Variants in CCDC28A observed in about 807,000 individuals in gnomAD.
CCDC28A encodes coiled-coil domain containing 28A, also known as coiled-coil domain-containing protein 28A.
In CCDC28A, 24 loss-of-function variants were observed where a neutral mutation model predicts 22.1. The ratio of observed to expected loss-of-function variants is 1.09; its 90% CI spans 0.79 to 1.53. The LOEUF is 1.53. Ranked by LOEUF, CCDC28A falls within the 40% of genes most tolerant of loss-of-function variation. The probability of loss-of-function intolerance (pLI) is 0.00; values close to 1 mark genes in which losing one functional copy is unlikely to be tolerated. For missense variants in CCDC28A, 170 were observed against 210.7 expected (o/e 0.81, Z 1.20); for synonymous variants, 83 against 74.7 (o/e 1.11, Z -0.57).
At chr6:138,784,496 A>G (rs1375710405) in intron 3 of CCDC28A, among the ~76,000 whole-genome samples, 2 of 151,764 alleles carry the variant, frequency 1.3e-5, no homozygotes, top group African/African-American at 4.8e-5. Context: ...GACCAGAGGC[A>G]TGCAGCACCA....
At position 138,793,006 on chromosome 6, in the gene CCDC28A, G is replaced by C; in HGVS notation, c.*203G>C. 1 of 547,904 alleles carries C rather than the reference G, an allele frequency of 1.8e-6. No individual in the cohort carries two copies. Among genetic ancestry groups the C allele is most frequent in the Non-Finnish European group, 3.3e-6 (1 of 304,766 alleles). 33.9% of individuals were successfully genotyped at this position (547,904 alleles called of 1,614,324 possible). A position where few individuals can be genotyped will look rare whatever the true frequency, so the allele number is the denominator to read the frequency against. On this transcript the variant is annotated 3_prime_UTR_variant, in exon 6 of 6. Coordinates refer to ENST00000617445, the MANE Select transcript of CCDC28A (RefSeq NM_015439.3). ...AACTGGAGGCCTAGGCCTTGTTGAA[G>C]GCTTCATCAGGAAATGTGACGCAGA...
intron 5 of CCDC28A, among the ~76,000 whole-genome samples, chr6:138,790,582 G>A (rs1775157730): frequency 6.6e-6 from 1 of 152,216 alleles, no homozygotes; most frequent in African/African-American, 2.4e-5. Context: ...ATACAAGAGT[G>A]TAGGCTTTGG....
intron 2 of CCDC28A, among the ~76,000 whole-genome samples, 190 bp from the exon 3 acceptor site, chr6:138,779,632 A>G (rs1774987356): frequency 6.6e-6 from 1 of 152,132 alleles, no homozygotes; most frequent in South Asian, 2.1e-4. Context: ...GTTATATTTT[A>G]TACATTTGTT....
Position 138,779,981 on chromosome 6 carries a change from A to T in CCDC28A, c.318A>T (p.Ala106=). Residue 106 remains alanine, a synonymous_variant, in exon 3 of 6, where the codon GCA becomes GCT. Coordinates refer to ENST00000617445, the MANE Select transcript of CCDC28A (RefSeq NM_015439.3). ...LNDFHSGKLQ[A]FGNECSIEQM... ...ATTTCCACTCTGGAAAACTTCAAGC[A>T]TTTGGTAAGCAATAGATGTTTCTGT... 1 of 1,608,410 alleles carries T rather than the reference A, an allele frequency of 6.2e-7. No homozygotes were observed. Among genetic ancestry groups the T allele is most frequent in the Non-Finnish European group, 8.5e-7 (1 of 1,177,716 alleles).
rs1343786050 is a variant in CCDC28A at position 138,773,877 on chromosome 6, G to T, written c.-68G>T. 6.2e-7 allele frequency: 1 copy of T among 1,613,828 alleles called. No homozygotes were observed. The highest frequency in any genetic ancestry group is 1.7e-5 in the Admixed American group (1 of 60,012). ...GTCGGGTCTTTGCGGGTTGCGGAAG[G>T]GGGCCCCAATACCCTTCTTCTTCAG... On this transcript the variant is annotated 5_prime_UTR_variant, in exon 1 of 6. Coordinates refer to ENST00000617445, the MANE Select transcript of CCDC28A (RefSeq NM_015439.3).
chr6:138,792,947 CTTTT>C lies in CCDC28A; in HGVS notation c.*145_*148del. ...GTTCAATGATCGTTTTCACTTACTG[CTTTT>C]AGTAAATGTGACTCGCTGTAATTCA... On this transcript the variant is annotated 3_prime_UTR_variant, in exon 6 of 6. Transcript: ENST00000617445. The C allele has an allele frequency of 1.6e-6, 1 of 631,084 alleles. No individual in the cohort carries two copies. Among genetic ancestry groups the C allele is most frequent in the Non-Finnish European group, 2.8e-6 (1 of 354,184 alleles). The allele number at this position is 631,084 out of a possible 1,614,324, so 39.1% of individuals were successfully genotyped here. A position where few individuals can be genotyped will look rare whatever the true frequency, so the allele number is the denominator to read the frequency against.
chr6:138,791,617 A>C (rs1460209080), intron 5 of CCDC28A, among the ~76,000 whole-genome samples: 4 of 152,154 alleles, frequency 2.6e-5, no homozygotes, highest in Non-Finnish European at 5.9e-5. Flanking sequence ...CAAGAAACAC[A>C]TCATGTTCAT....
Position 138,788,568 on chromosome 6 carries a change from C to CTTTTTTTTTTTTT in CCDC28A, c.500+191_500+203dup, listed in dbSNP as rs3070099. Among the ~76,000 whole-genome samples the CTTTTTTTTTTTTT allele has an allele frequency of 1.3e-3, 122 of 92,944 alleles. 2 individuals carry two copies. The highest frequency in any genetic ancestry group is 1.7e-3 in the Non-Finnish European group (82 of 46,926). 61.0% of individuals were successfully genotyped at this position (92,944 alleles called of 152,430 possible). On this transcript the variant is annotated intron_variant, in intron 5 of 5. Coordinates refer to ENST00000617445, the MANE Select transcript of CCDC28A (RefSeq NM_015439.3). Reference sequence around the variant, plus strand: ...TTCTTTTCTTTCTCTTTTTTCTTTTCTTTTTTTTTTTTTTTTTTTTTTTCA... The same window carrying CTTTTTTTTTTTTT: ...TTCTTTTCTTTCTCTTTTTTCTTTTCTTTTTTTTTTTTTTTTTTTTTTTTTTTTTTTTTTTTCA...
intron 2 of CCDC28A, 61 bp downstream of exon 2, chr6:138,776,339 C>A: frequency 7.4e-7 from 1 of 1,359,592 alleles, no homozygotes; most frequent in Non-Finnish European, 1.0e-6. Context: ...CCTGACTCAA[C>A]TTCTTCTTAA....
At chr6:138,792,472 T>A (rs188279243) in intron 5 of CCDC28A, among the ~76,000 whole-genome samples, 9 of 152,046 alleles carry the variant, frequency 5.9e-5, no homozygotes, top group African/African-American at 1.9e-4. Flanking sequence ...CAGTGAAGTA[T>A]GATCGTATTA....
rs1292187825 is a variant in CCDC28A at position 138,773,867 on chromosome 6, G to C, written c.-78G>C. The C allele has an allele frequency of 6.2e-7, 1 of 1,613,974 alleles. No homozygotes were observed. The highest frequency in any genetic ancestry group is 1.7e-5 in the Admixed American group (1 of 60,022). On this transcript the variant is annotated 5_prime_UTR_variant, in exon 1 of 6. Transcript: ENST00000617445. ...TTCTGAGGCTGTCGGGTCTTTGCGG[G>C]TTGCGGAAGGGGGCCCCAATACCCT...
rs749042682 is a variant in CCDC28A at position 138,788,365 on chromosome 6, G to A, written c.478-1G>A. ...AATAAATTTGTTTCTTTGTTTTACA[G>A]TTAGAAGAATTGAATTCTTCCATGT... On this transcript the variant is annotated splice_acceptor_variant, in intron 4 of 5. Transcript: ENST00000617445. LOFTEE classifies it high-confidence loss of function. 6.7e-6 allele frequency: 8 copies of A among 1,202,020 alleles called. No homozygotes were observed. In the South Asian group the frequency reaches 1.1e-4, roughly 16 times the overall value. The allele number at this position is 1,202,020 out of a possible 1,614,324, so 74.5% of individuals were successfully genotyped here.
At chr6:138,779,331 G>GT (rs1774982975) in intron 2 of CCDC28A, among the ~76,000 whole-genome samples, 1 of 152,150 alleles carries the variant, frequency 6.6e-6, no homozygotes, top group African/African-American at 2.4e-5. Flanking sequence ...ATGATAACAA[G>GT]TTTTTAGTAT....
chr6:138,782,613 A>AACAT (rs1353767158), intron 3 of CCDC28A, among the ~76,000 whole-genome samples: 103 of 152,310 alleles, frequency 6.8e-4, no homozygotes, highest in Admixed American at 6.7e-3. Flanking sequence ...CATAAACACA[A>AACAT]ACATACATAC....
intron 5 of CCDC28A, among the ~76,000 whole-genome samples, chr6:138,790,032 G>T (rs1406519337): frequency 1.3e-5 from 2 of 152,120 alleles, no homozygotes; most frequent in African/African-American, 4.8e-5. Flanking sequence ...TAAAGAAGGG[G>T]GTAAGACTTG....
At chr6:138,785,911 C>T (rs9495245) in intron 4 of CCDC28A, among the ~76,000 whole-genome samples, 10,898 of 152,180 alleles carry the variant, frequency 0.072, 699 homozygotes, top group African/African-American at 0.16. Context: ...GTGTTATTTA[C>T]TCAGGTGGCG....
At chr6:138,786,159 C>G (rs1775092041) in intron 4 of CCDC28A, among the ~76,000 whole-genome samples, 2 of 152,170 alleles carry the variant, frequency 1.3e-5, no homozygotes, top group South Asian at 2.1e-4. Flanking sequence ...GCTTCTTCCT[C>G]TATGCCAAGT....
rs1228334560 is a variant in CCDC28A, at chr6:138,788,345, ATTTG to A, written c.478-17_478-14del. On this transcript the variant is annotated splice_polypyrimidine_tract_variant and intron_variant, in intron 4 of 5. Coordinates refer to ENST00000617445, the MANE Select transcript of CCDC28A (RefSeq NM_015439.3). ...TTGATCTTATAAAAATTAAAAATAA[ATTTG>A]TTTCTTTGTTTTACAGTTAGAAGAA... 1 of 953,226 alleles carries A rather than the reference ATTTG, an allele frequency of 1.0e-6. No homozygotes were observed. The highest frequency in any genetic ancestry group is 1.5e-6 in the Non-Finnish European group (1 of 650,782). 59.0% of individuals were successfully genotyped at this position (953,226 alleles called of 1,614,324 possible).
chr6:138,774,021 G>A, intron 1 of CCDC28A, 119 bp downstream of exon 1: 1 of 1,242,202 alleles, frequency 8.1e-7, no homozygotes, highest in Non-Finnish European at 1.1e-6. Flanking sequence ...TGGGGAAGGG[G>A]AATGAGGTGA....
Sources: gnomAD v4.1 joint callset for allele counts (sites outside exome capture counted in the v4.1 genomes callset) on GRCh38, gnomAD v4.1.1 for gene constraint, MANE v1.5 for transcripts, NCBI Gene and HGNC (gene_info 2026-07-23, HGNC 2026-07-21) for gene names.